TIAM2: variants seen among roughly 807,000 people sequenced by gnomAD.
The protein encoded by TIAM2 is TIAM Rac1 associated GEF 2.
Under a neutral mutation model 152.9 loss-of-function variants are expected in TIAM2, and 80 were observed. The observed-to-expected ratio is 0.52, with a 90% CI of 0.44 to 0.63. TIAM2 has a LOEUF of 0.63. Ranked by LOEUF, TIAM2 falls within the 30% of genes least tolerant of loss-of-function variation. TIAM2 has a pLI of 0.00. For synonymous variants in TIAM2, 804 were observed against 838.0 expected (o/e 0.96, Z 0.70); for missense variants, 1,965 against 2,120.1 (o/e 0.93, Z 1.44).
intron 7 of TIAM2, among the ~76,000 whole-genome samples, chr6:155,151,292 C>T (rs1779952007): frequency 6.6e-6 from 1 of 152,188 alleles, no homozygotes; most frequent in Admixed American, 6.5e-5. Context: ...AAGGTTGGTG[C>T]GCCCTAGCAT....
intron 1 of TIAM2, among the ~76,000 whole-genome samples, chr6:155,035,365 G>C (rs1411896086): frequency 6.6e-6 from 1 of 151,996 alleles, no homozygotes; most frequent in Admixed American, 6.6e-5. Flanking sequence ...GGGACTACAG[G>C]TGTGTGCCAC....
intron 1 of TIAM2, among the ~76,000 whole-genome samples, chr6:155,048,801 GTT>G (rs200879168): frequency 6.9e-6 from 1 of 144,340 alleles, no homozygotes; most frequent in Non-Finnish European, 1.5e-5. Flanking sequence ...TCCACTCTTT[GTT>G]TTTTTTTTTT....
rs1441030529 is a variant in TIAM2 at position 155,257,121 on chromosome 6, G to C, written c.5106G>C (p.Ter1702TyrextTer19). The part of the protein sequence containing the change: ...FYETESHGKS[*>Y] ...AAACAGAGAGCCACGGAAAATCATA[G>C]TATGATTCAATCCAGATATGGGTTA... Residue 1702 changes from the stop codon to tyrosine, a stop_lost, in exon 27 of 27, where the codon TAG becomes TAC. Coordinates refer to ENST00000682666, the MANE Select transcript of TIAM2 (RefSeq NM_012454.4). The C allele has an allele frequency of 6.8e-7, 1 of 1,461,502 alleles. No individual in the cohort carries two copies. Among genetic ancestry groups the C allele is most frequent in the Non-Finnish European group, 9.2e-7 (1 of 1,083,322 alleles). 90.5% of individuals were successfully genotyped at this position (1,461,502 alleles called of 1,614,324 possible).
At chr6:155,205,233 C>G (rs1781571090) in intron 14 of TIAM2, among the ~76,000 whole-genome samples, 2 of 120,448 alleles carry the variant, frequency 1.7e-5, no homozygotes. Flanking sequence ...CATCTTGTAC[C>G]TTTGTACCTA....
chr6:155,177,135 A>G (rs990165853), intron 10 of TIAM2, among the ~76,000 whole-genome samples, 158 bp downstream of exon 10: 2 of 152,206 alleles, frequency 1.3e-5, no homozygotes, highest in Non-Finnish European at 2.9e-5. Flanking sequence ...TAGCATATTC[A>G]TTAATTTGCA....
intron 1 of TIAM2, among the ~76,000 whole-genome samples, chr6:154,996,327 G>A (rs986789279): frequency 6.6e-6 from 1 of 152,122 alleles, no homozygotes; most frequent in Non-Finnish European, 1.5e-5. Context: ...GAGGGAGAAG[G>A]CTGCTTGATT....
chr6:155,164,298 C>T, intron 7 of TIAM2, 117 bp from the exon 8 acceptor site: 1 of 914,684 alleles, frequency 1.1e-6, no homozygotes, highest in African/African-American at 1.6e-5. Flanking sequence ...CTAATTTAAA[C>T]CATGCAGACC....
Position 155,028,887 on chromosome 6 carries a change from AC to A in TIAM2, c.-209+33396del, listed in dbSNP as rs1562294689. Among the ~76,000 whole-genome samples, 311 of 115,978 alleles carry A rather than the reference AC, an allele frequency of 2.7e-3. 57 individuals are homozygous for A. Among genetic ancestry groups the A allele is most frequent in the East Asian group, 9.3e-3 (39 of 4,172 alleles). The allele number at this position is 115,978 out of a possible 152,430, so 76.1% of individuals were successfully genotyped here. A position where few individuals can be genotyped will look rare whatever the true frequency, so the allele number is the denominator to read the frequency against. ...ATACTATCTATACTATGTTATATAT[AC>A]ACTGTATATACTATCTATACTATGT... is the stretch of plus-strand genomic sequence containing the variant. On this transcript the variant is annotated intron_variant, in intron 1 of 26. Coordinates refer to ENST00000682666, the MANE Select transcript of TIAM2 (RefSeq NM_012454.4).
chr6:155,104,614 G>A (rs905346903), intron 2 of TIAM2, among the ~76,000 whole-genome samples: 1 of 152,062 alleles, frequency 6.6e-6, no homozygotes, highest in Non-Finnish European at 1.5e-5. Flanking sequence ...AAAATTAGCT[G>A]GGCGTGGTGG....
At chr6:155,069,911 CTTT>C (rs36093906) in intron 1 of TIAM2, among the ~76,000 whole-genome samples, 31 of 125,644 alleles carry the variant, frequency 2.5e-4, no homozygotes, top group African/African-American at 6.4e-4. Flanking sequence ...CATTTCTTTT[CTTT>C]TTTTTTTTTT....
intron 1 of TIAM2, among the ~76,000 whole-genome samples, chr6:155,089,809 T>C (rs189114161): frequency 2.1e-3 from 319 of 152,344 alleles, no homozygotes; most frequent in African/African-American, 7.4e-3. Flanking sequence ...ACTGTGTATT[T>C]CCACTTGAAT....
chr6:155,215,720 AT>A (rs1243304793), intron 15 of TIAM2, among the ~76,000 whole-genome samples: 15 of 135,134 alleles, frequency 1.1e-4, no homozygotes, highest in South Asian at 2.6e-4. Flanking sequence ...TTAAAAAAAA[AT>A]TTTAAATTTT....
intron 4 of TIAM2, 100 bp downstream of exon 4, chr6:155,130,517 T>A: frequency 8.8e-7 from 1 of 1,134,094 alleles, no homozygotes; most frequent in Non-Finnish European, 1.2e-6. Context: ...TCGGGGTGCT[T>A]AAGTGATCTG....
intron 7 of TIAM2, among the ~76,000 whole-genome samples, chr6:155,155,718 G>T (rs1780089353): frequency 6.6e-6 from 1 of 152,204 alleles, no homozygotes; most frequent in Non-Finnish European, 1.5e-5. Flanking sequence ...CAGGCAATCT[G>T]CCCGCCTTGG....
Position 155,185,322 on chromosome 6 carries a change from T to C in TIAM2, c.3064+1822T>C, listed in dbSNP as rs141604703. Among the ~76,000 whole-genome samples, 1,289 of 151,846 alleles carry C rather than the reference T, an allele frequency of 8.5e-3. 8 individuals carry two copies. The highest frequency in any genetic ancestry group is 0.024 in the Middle Eastern group (7 of 294). On this transcript the variant is annotated intron_variant, in intron 14 of 26. Coordinates refer to ENST00000682666, the MANE Select transcript of TIAM2 (RefSeq NM_012454.4). The stretch of plus-strand genomic sequence containing the variant: ...CTGCGTTTTTAATAGAGATGGGGTT[T>C]CACCATGTTGGCCAGGCTGGTCTTG...
chr6:155,050,548 G>A (rs118032839), intron 1 of TIAM2, among the ~76,000 whole-genome samples: 2,266 of 152,302 alleles, frequency 0.015, 27 homozygotes, highest in Non-Finnish European at 0.024. Context: ...GCTCTCAGGA[G>A]CCTGAGCTCC....
At chr6:155,245,356 T>C (rs1783257809) in intron 18 of TIAM2, among the ~76,000 whole-genome samples, 1 of 152,210 alleles carries the variant, frequency 6.6e-6, no homozygotes, top group African/African-American at 2.4e-5. Context: ...TTGTCAGCTG[T>C]ATTTTTGTAG....
intron 12 of TIAM2, among the ~76,000 whole-genome samples, chr6:155,181,967 A>G (rs976775437): frequency 6.6e-6 from 1 of 152,226 alleles, no homozygotes; most frequent in Non-Finnish European, 1.5e-5. Context: ...GCTATTGTGA[A>G]TTACGCTGTT....
intron 1 of TIAM2, among the ~76,000 whole-genome samples, chr6:155,023,786 C>G (rs1776543952): frequency 6.6e-6 from 1 of 152,090 alleles, no homozygotes; most frequent in Non-Finnish European, 1.5e-5. Flanking sequence ...TAATTGAAAC[C>G]TTAAATTGTG....
Sources: allele counts gnomAD v4.1 joint callset (sites outside exome capture counted in the v4.1 genomes callset), GRCh38; gene constraint gnomAD v4.1.1; transcripts MANE v1.5; gene names NCBI Gene and HGNC (gene_info 2026-07-23, HGNC 2026-07-21).